Variants in ARHGEF4 observed in about 807,000 individuals in gnomAD.
The protein encoded by ARHGEF4 is APC-stimulated guanine nucleotide exchange factor 1.
In ARHGEF4, 119 loss-of-function variants were observed where a neutral mutation model predicts 162.0. The observed-to-expected ratio is 0.73, with a 90% CI of 0.63 to 0.86. ARHGEF4 has a LOEUF of 0.86. ARHGEF4 is among the 40% of genes least tolerant of loss of function. ARHGEF4 has a pLI of 0.00. For missense variants in ARHGEF4, 2,488 were observed against 2,456.0 expected (o/e 1.01, Z -0.28); for synonymous variants, 1,014 against 979.9 (o/e 1.03, Z -0.65).
chr2:130,872,815 G>A (rs1218704957), intron 1 of ARHGEF4, among the ~76,000 whole-genome samples: 1 of 152,184 alleles, frequency 6.6e-6, no homozygotes, highest in Non-Finnish European at 1.5e-5. Flanking sequence ...GCACCTCACG[G>A]GGCCTTGGTG....
At chr2:130,888,173 C>A (rs1031471398) in intron 1 of ARHGEF4, among the ~76,000 whole-genome samples, 3 of 152,038 alleles carry the variant, frequency 2.0e-5, no homozygotes, top group Admixed American at 2.0e-4. Flanking sequence ...CTTCTAACTT[C>A]TTTAAAAAAA....
intron 5 of ARHGEF4, chr2:131,035,978 C>A: frequency 3.8e-6 from 2 of 522,498 alleles, no homozygotes; most frequent in Non-Finnish European, 4.9e-6. Flanking sequence ...CTATTTGAGT[C>A]TCAAATGTGC....
chr2:130,852,959 C>T lies in ARHGEF4; in HGVS notation c.39+15967C>T, dbSNP rs1160506907. 8.5e-5 allele frequency among the ~76,000 whole-genome samples: 13 copies of T among 152,210 alleles called. No individual in the cohort carries two copies. The South Asian group carries it at 1.7e-3, about 19-fold the overall frequency. ...ATCTGGAGGCTCAGAGCAGACTGATCGCCCTGGGTGGGGCCTGCCACCTGG... is the reference window on the plus strand; with the variant it reads ...ATCTGGAGGCTCAGAGCAGACTGATTGCCCTGGGTGGGGCCTGCCACCTGG... On this transcript the variant is annotated intron_variant, in intron 1 of 13. Transcript: ENST00000409359.
At position 130,860,394 on chromosome 2, in the gene ARHGEF4, G is replaced by A. The variant is rs1289386777; in HGVS notation, c.39+23402G>A. Among the ~76,000 whole-genome samples the A allele has an allele frequency of 6.5e-5, 4 of 61,528 alleles. 1 individual carries two copies. The highest frequency in any genetic ancestry group is 4.3e-4 in the Admixed American group (2 of 4,620). 40.4% of individuals were successfully genotyped at this position (61,528 alleles called of 152,430 possible). A position where few individuals can be genotyped will look rare whatever the true frequency, so the allele number is the denominator to read the frequency against. On this transcript the variant is annotated intron_variant, in intron 1 of 13. Coordinates refer to ENST00000409359, the MANE Select transcript of ARHGEF4 (RefSeq NM_001367493.1). ...TGAACAAATTCTGGCATATCCATAGGGTGGAATACTGCTCAACAACAAGAG... is the reference window on the plus strand; with the variant it reads ...TGAACAAATTCTGGCATATCCATAGAGTGGAATACTGCTCAACAACAAGAG...
intron 1 of ARHGEF4, chr2:130,837,697 C>G (rs537408620): frequency 9.6e-4 from 409 of 426,600 alleles, no homozygotes; most frequent in African/African-American, 7.0e-3. Flanking sequence ...GCCCGACCTC[C>G]CCAGGTGAGC....
intron 1 of ARHGEF4, among the ~76,000 whole-genome samples, chr2:130,864,912 C>T (rs774322218): frequency 2.6e-5 from 4 of 152,180 alleles, no homozygotes; most frequent in Non-Finnish European, 5.9e-5. Context: ...TGAGTGATGG[C>T]AGCTGTCTGA....
intron 1 of ARHGEF4, chr2:130,837,649 C>T (rs533872059): frequency 2.0e-4 from 90 of 448,674 alleles, no homozygotes; most frequent in Admixed American, 4.8e-5. Flanking sequence ...CCGGGGGCTC[C>T]GGGGCACTGT....
chr2:130,867,764 G>A (rs2104922283), intron 1 of ARHGEF4, among the ~76,000 whole-genome samples: 1 of 152,158 alleles, frequency 6.6e-6, no homozygotes, highest in African/African-American at 2.4e-5. Context: ...AGCTACCAGA[G>A]ATAAGATGAG....
rs1432771336 is a variant in ARHGEF4, at chr2:131,043,555, T to C, written c.5129T>C (p.Phe1710Ser). The change falls in exon 11 of 14, where the codon TTT becomes TCT. Residue 1710 changes from phenylalanine to serine, a missense_variant. This residue lies in a region of ARHGEF4 where 415 missense variants were observed against 512.4 expected (regional missense o/e 0.81). Transcript: ENST00000409359. Reference sequence around the variant, plus strand: ...AGCCAGCAGCGAATGTTCTTTCTCTTTGACCACCAGCTCATCTACTGTAAG... The same window carrying C: ...AGCCAGCAGCGAATGTTCTTTCTCTCTGACCACCAGCTCATCTACTGTAAG... The part of the protein sequence containing the change: ...AKSQQRMFFL[F>S]DHQLIYCKKD... 1 of 1,614,072 alleles carries C rather than the reference T, an allele frequency of 6.2e-7. No individual in the cohort carries two copies.
chr2:130,871,158 A>G (rs1197676506), intron 1 of ARHGEF4, among the ~76,000 whole-genome samples: 1 of 152,204 alleles, frequency 6.6e-6, no homozygotes, highest in African/African-American at 2.4e-5. Context: ...CAGCTCTCTC[A>G]ACCCCACAAT....
chr2:130,972,049 GTC>G (rs1462710582), intron 4 of ARHGEF4, among the ~76,000 whole-genome samples: 1 of 152,192 alleles, frequency 6.6e-6, no homozygotes, highest in Non-Finnish European at 1.5e-5. Context: ...TTTTAAAAGT[GTC>G]TGGTTATGTT....
At chr2:131,020,596 G>A (rs1689060741) in intron 4 of ARHGEF4, among the ~76,000 whole-genome samples, 1 of 152,070 alleles carries the variant, frequency 6.6e-6, no homozygotes, top group Admixed American at 6.6e-5. Flanking sequence ...TGTCGTTGTT[G>A]GACATTTGGG....
chr2:130,890,625 C>G (rs914153153), intron 1 of ARHGEF4, among the ~76,000 whole-genome samples: 1 of 151,114 alleles, frequency 6.6e-6, no homozygotes, highest in Non-Finnish European at 1.5e-5. Context: ...TTCTTTTAAC[C>G]TATCTTATAA....
intron 1 of ARHGEF4, among the ~76,000 whole-genome samples, chr2:130,907,735 C>T (rs552606012): frequency 5.3e-5 from 8 of 151,760 alleles, no homozygotes; most frequent in Admixed American, 1.3e-4. Flanking sequence ...AGGCAGATCA[C>T]GAAGTCAGGA....
rs535023795 is a variant in ARHGEF4, at chr2:130,924,590, G to A, written c.3553-6362G>A. Among the ~76,000 whole-genome samples the A allele has an allele frequency of 1.1e-4, 17 of 152,310 alleles. No homozygotes were observed. In the East Asian group the frequency reaches 1.4e-3, roughly 12 times the overall value. On this transcript the variant is annotated intron_variant, in intron 2 of 13. Coordinates refer to ENST00000409359, the MANE Select transcript of ARHGEF4 (RefSeq NM_001367493.1). ...TCCTCTGGTGTGAAAGGTGCTGTTT[G>A]CATTTAGAGATTTCTTTCCTCTGGG...
At chr2:130,889,753 A>AGT (rs1408552873) in intron 1 of ARHGEF4, among the ~76,000 whole-genome samples, 1 of 148,766 alleles carries the variant, frequency 6.7e-6, no homozygotes. Flanking sequence ...CGGAGGTTGC[A>AGT]GTGAGCCAAG....
At chr2:131,015,072 TCA>T (rs1319127491) in intron 4 of ARHGEF4, among the ~76,000 whole-genome samples, 1 of 151,740 alleles carries the variant, frequency 6.6e-6, no homozygotes, top group African/African-American at 2.4e-5. Flanking sequence ...TAGGCTGGAG[TCA>T]CACACACAGC....
At chr2:130,842,387 G>C (rs1242184237) in intron 1 of ARHGEF4, among the ~76,000 whole-genome samples, 1 of 152,208 alleles carries the variant, frequency 6.6e-6, no homozygotes, top group Non-Finnish European at 1.5e-5. Flanking sequence ...GACTGCTTTT[G>C]GTTCTGGGAT....
At chr2:130,854,236 G>A (rs964632668) in intron 1 of ARHGEF4, among the ~76,000 whole-genome samples, 1 of 152,192 alleles carries the variant, frequency 6.6e-6, no homozygotes, top group African/African-American at 2.4e-5. Flanking sequence ...CCTGTCCTTG[G>A]TGCTTGGGGA....
Sources: gnomAD v4.1 joint callset for allele counts (sites outside exome capture counted in the v4.1 genomes callset) on GRCh38, gnomAD v4.1.1 for gene constraint, gnomAD v4.1.1 regional missense constraint, MANE v1.5 for transcripts, NCBI Gene and HGNC (gene_info 2026-07-23, HGNC 2026-07-21) for gene names.